ARHGAP10: variants seen among roughly 807,000 people sequenced by gnomAD.
The protein encoded by ARHGAP10 is rho GTPase-activating protein 10.
Under a neutral mutation model 108.6 loss-of-function variants are expected in ARHGAP10, and 87 were observed. That is an observed-to-expected ratio of 0.80 (90% CI 0.67 to 0.96). The LOEUF is 0.96. ARHGAP10 is among the 40% of genes least tolerant of loss of function. The probability of loss-of-function intolerance (pLI) is 0.00; values close to 1 mark genes in which losing one functional copy is unlikely to be tolerated. For missense variants in ARHGAP10, 939 were observed against 954.5 expected (o/e 0.98, Z 0.21); for synonymous variants, 347 against 341.1 (o/e 1.02, Z -0.19).
intron 1 of ARHGAP10, among the ~76,000 whole-genome samples, chr4:147,799,782 A>G (rs1032352570): frequency 1.3e-4 from 20 of 152,216 alleles, no homozygotes; most frequent in African/African-American, 4.8e-4. Context: ...GATAATTTCA[A>G]CATCTGATTT....
At position 147,923,666 on chromosome 4, in the gene ARHGAP10, A is replaced by G. The variant is rs574720994; in HGVS notation, c.1228+10527A>G. Among the ~76,000 whole-genome samples the G allele has an allele frequency of 1.4e-3, 208 of 152,328 alleles. 1 individual carries two copies. Among genetic ancestry groups the G allele is most frequent in the South Asian group, 2.7e-3 (13 of 4,828 alleles). On this transcript the variant is annotated intron_variant, in intron 13 of 22. Coordinates refer to ENST00000336498, the MANE Select transcript of ARHGAP10 (RefSeq NM_024605.4). Reference sequence around the variant, plus strand: ...CACATACAAGATTTGACAATCTTTCATTTGTTGCATGTAAAAGCAAATTTA... The same window carrying G: ...CACATACAAGATTTGACAATCTTTCGTTTGTTGCATGTAAAAGCAAATTTA...
intron 3 of ARHGAP10, among the ~76,000 whole-genome samples, chr4:147,823,996 T>G (rs534793289): frequency 2.0e-5 from 3 of 152,260 alleles, no homozygotes; most frequent in South Asian, 4.1e-4. Flanking sequence ...ACACCATCTA[T>G]TCTCACCATT....
At chr4:148,018,496 G>A (rs1639677401) in intron 18 of ARHGAP10, among the ~76,000 whole-genome samples, 1 of 151,158 alleles carries the variant, frequency 6.6e-6, no homozygotes, top group Non-Finnish European at 1.5e-5. Flanking sequence ...TCCTCTTCTT[G>A]TAGATCTAAA....
intron 18 of ARHGAP10, among the ~76,000 whole-genome samples, chr4:148,017,652 C>CTATATATATATATATATATATATATATA (rs35472561): frequency 9.5e-6 from 1 of 105,316 alleles, no homozygotes; most frequent in African/African-American, 4.2e-5. Context: ...GAGCCAGTAA[C>CTATATATATATATATATATATATATATA]TATATATATA....
At chr4:147,963,052 AAT>A (rs1739060529) in intron 16 of ARHGAP10, among the ~76,000 whole-genome samples, 1 of 152,166 alleles carries the variant, frequency 6.6e-6, no homozygotes, top group Non-Finnish European at 1.5e-5. Context: ...CTTTAAGAAA[AAT>A]ATCAGGCATA....
intron 1 of ARHGAP10, among the ~76,000 whole-genome samples, chr4:147,762,514 A>ATTTATTTG (rs1404135218): frequency 6.7e-6 from 1 of 149,906 alleles, no homozygotes; most frequent in Non-Finnish European, 1.5e-5. Context: ...TTATTTATTT[A>ATTTATTTG]TTTATTTTTA....
chr4:147,880,901 T>G (rs542869198), intron 9 of ARHGAP10, among the ~76,000 whole-genome samples: 220 of 5,298 alleles, frequency 0.042, 2 homozygotes, highest in Admixed American at 0.027. Context: ...GAAATAAATT[T>G]TTACACTAAA....
chr4:148,055,499 G>A (rs1470263609), intron 20 of ARHGAP10, among the ~76,000 whole-genome samples: 2 of 152,178 alleles, frequency 1.3e-5, no homozygotes, highest in Non-Finnish European at 2.9e-5. Context: ...GAGCAGCCTG[G>A]CCAACATGGT....
chr4:147,763,534 T>C (rs1325407886), intron 1 of ARHGAP10, among the ~76,000 whole-genome samples: 1 of 151,790 alleles, frequency 6.6e-6, no homozygotes, highest in Admixed American at 6.6e-5. Context: ...ATGGTCTCGA[T>C]CTCCTGACCT....
intron 1 of ARHGAP10, among the ~76,000 whole-genome samples, chr4:147,798,817 A>G (rs1344640655): frequency 8.0e-6 from 1 of 124,894 alleles, no homozygotes; most frequent in Admixed American, 8.0e-5. Flanking sequence ...ATATATATAT[A>G]GACTTTTTAC....
rs375790277 is a variant in ARHGAP10, at chr4:147,989,673, T to C, written c.1716+22834T>C. On this transcript the variant is annotated intron_variant, in intron 18 of 22. Coordinates refer to ENST00000336498, the MANE Select transcript of ARHGAP10 (RefSeq NM_024605.4). ...TCAGAGTTTAAGGTTATCTCTCTTA[T>C]TCCCTGAACAATTGCTCTTATCTTG... Among the ~76,000 whole-genome samples, 12 of 152,390 alleles carry C rather than the reference T, an allele frequency of 7.9e-5. No individual in the cohort carries two copies. The East Asian group carries it at 2.1e-3, about 27-fold the overall frequency.
chr4:148,016,061 T>C (rs150321072), intron 18 of ARHGAP10, among the ~76,000 whole-genome samples: 39 of 152,290 alleles, frequency 2.6e-4, no homozygotes, highest in African/African-American at 9.4e-4. Flanking sequence ...TTCAAATCTT[T>C]GTAAGTCAAG....
chr4:148,061,947 G>T (rs1046984229), intron 20 of ARHGAP10, among the ~76,000 whole-genome samples: 1 of 152,162 alleles, frequency 6.6e-6, no homozygotes, highest in Non-Finnish European at 1.5e-5. Flanking sequence ...GAGGCCACAG[G>T]GGGAGTATTG....
chr4:147,910,827 T>G (rs561640701), intron 12 of ARHGAP10, among the ~76,000 whole-genome samples: 2 of 152,284 alleles, frequency 1.3e-5, no homozygotes, highest in African/African-American at 4.8e-5. Context: ...CCAATATAAT[T>G]GTGATCACTT....
At chr4:147,803,026 T>C (rs1203804743) in intron 1 of ARHGAP10, among the ~76,000 whole-genome samples, 3 of 150,846 alleles carry the variant, frequency 2.0e-5, no homozygotes, top group Non-Finnish European at 4.4e-5. Context: ...TTTTTTTTTT[T>C]GAGATGGAGC....
chr4:148,069,900 A>T (rs1293848410), intron 22 of ARHGAP10, among the ~76,000 whole-genome samples: 6 of 152,182 alleles, frequency 3.9e-5, no homozygotes, highest in Admixed American at 3.9e-4. Context: ...CACTAGTAGC[A>T]CTGCCAGCTG....
intron 18 of ARHGAP10, among the ~76,000 whole-genome samples, chr4:147,970,956 G>A (rs999744029): frequency 6.6e-6 from 1 of 152,026 alleles, no homozygotes; most frequent in African/African-American, 2.4e-5. Flanking sequence ...AGCCAGGCGT[G>A]GTGGCGGGCA....
intron 7 of ARHGAP10, among the ~76,000 whole-genome samples, chr4:147,873,813 T>A (rs140627994): frequency 4.2e-4 from 63 of 149,326 alleles, no homozygotes; most frequent in Middle Eastern, 3.4e-3. Context: ...AGGTTGAGGC[T>A]GTGATGAGGT....
chr4:147,899,177 T>G (rs1298941552), intron 10 of ARHGAP10, among the ~76,000 whole-genome samples: 4 of 152,120 alleles, frequency 2.6e-5, no homozygotes, highest in Non-Finnish European at 5.9e-5. Flanking sequence ...TGTGTCTAGG[T>G]CTCCTAGGAA....
Sources: gnomAD v4.1 joint callset for allele counts (sites outside exome capture counted in the v4.1 genomes callset) on GRCh38, gnomAD v4.1.1 for gene constraint, MANE v1.5 for transcripts, NCBI Gene and HGNC (gene_info 2026-07-23, HGNC 2026-07-21) for gene names.